DPYD: variants seen among roughly 807,000 people sequenced by gnomAD.
DPYD encodes the protein dihydropyrimidine dehydrogenase.
In DPYD, 109 loss-of-function variants were observed where a neutral mutation model predicts 116.2. The observed-to-expected ratio is 0.94, with a 90% CI of 0.80 to 1.10. The LOEUF is 1.10. DPYD is among the 50% of genes least tolerant of loss of function. DPYD has a pLI of 0.00. For synonymous variants in DPYD, 440 were observed against 432.0 expected, an observed-to-expected ratio of 1.02 and a Z score of -0.23; for missense variants, 1,302 against 1,254.5, an observed-to-expected ratio of 1.04 and a Z score of -0.57.
intron 19 of DPYD, 81 bp downstream of exon 19, chr1:97,234,771 C>T: frequency 1.3e-6 from 2 of 1,566,980 alleles, no homozygotes; most frequent in East Asian, 2.3e-5. Context: ...AAAAACGAAT[C>T]TATTTTTTTT....
At chr1:97,409,339 A>C (rs902358452) in intron 14 of DPYD, among the ~76,000 whole-genome samples, 1 of 152,154 alleles carries the variant, frequency 6.6e-6, no homozygotes, top group Non-Finnish European at 1.5e-5. Context: ...TGGTGGGTAC[A>C]AGAGTGGTAC....
intron 13 of DPYD, among the ~76,000 whole-genome samples, chr1:97,473,005 A>C (rs892898989): frequency 4.6e-5 from 7 of 152,120 alleles, no homozygotes; most frequent in Admixed American, 2.0e-4. Flanking sequence ...TACTCCTTTT[A>C]CAAATTTCAA....
Position 97,878,218 on chromosome 1 carries a change from T to A in DPYD, c.150+5046A>T, listed in dbSNP as rs116476075. 4.6e-3 allele frequency among the ~76,000 whole-genome samples: 705 copies of A among 151,696 alleles called. 11 individuals carry two copies. Among genetic ancestry groups the A allele is most frequent in the African/African-American group, 0.016 (681 of 41,426 alleles). The stretch of plus-strand genomic sequence containing the variant: ...AAAGGTGTGTGCCTATATATATTTA[T>A]TATTATTATTGTTTTTCTAGATTAC... On this transcript the variant is annotated intron_variant, in intron 2 of 22. Transcript: ENST00000370192.
chr1:97,843,677 G>A (rs1670146812), intron 2 of DPYD, among the ~76,000 whole-genome samples: 1 of 152,108 alleles, frequency 6.6e-6, no homozygotes, highest in Admixed American at 6.5e-5. Context: ...CATTAATTTA[G>A]TAAGCAATAC....
intron 5 of DPYD, among the ~76,000 whole-genome samples, chr1:97,709,551 A>G (rs765772866): frequency 1.3e-5 from 2 of 151,738 alleles, no homozygotes; most frequent in Non-Finnish European, 3.0e-5. Context: ...ACCACTCCAA[A>G]TTGACTTTAC....
At chr1:97,185,443 G>T (rs1657929526) in intron 20 of DPYD, among the ~76,000 whole-genome samples, 2 of 152,082 alleles carry the variant, frequency 1.3e-5, no homozygotes, top group South Asian at 2.1e-4. Flanking sequence ...TAAAACTTAT[G>T]CATCCACCTT....
At chr1:97,289,572 A>C (rs1295297587) in intron 18 of DPYD, among the ~76,000 whole-genome samples, 1 of 151,840 alleles carries the variant, frequency 6.6e-6, no homozygotes, top group Non-Finnish European at 1.5e-5. Flanking sequence ...TATAAACAGA[A>C]CCAAAGACAA....
intron 3 of DPYD, among the ~76,000 whole-genome samples, chr1:97,795,411 TTAAC>T (rs1333845725): frequency 6.6e-6 from 1 of 152,046 alleles, no homozygotes; most frequent in Non-Finnish European, 1.5e-5. Flanking sequence ...AAATACATAA[TTAAC>T]TACTCAACAT....
intron 8 of DPYD, among the ~76,000 whole-genome samples, chr1:97,621,270 TAAG>T (rs1191594947): frequency 2.6e-5 from 4 of 152,096 alleles, no homozygotes; most frequent in Non-Finnish European, 4.4e-5. Context: ...TGAATGTAAA[TAAG>T]AATTGAATAA....
intron 14 of DPYD, among the ~76,000 whole-genome samples, chr1:97,392,492 G>A (rs12089260): frequency 0.26 from 38,995 of 151,720 alleles, 5,229 homozygotes; most frequent in South Asian, 0.43. Flanking sequence ...AAGTTTGCTA[G>A]ATTGATTGAC....
intron 19 of DPYD, among the ~76,000 whole-genome samples, chr1:97,231,733 AT>A (rs1192512777): frequency 7.2e-5 from 11 of 152,188 alleles, no homozygotes; most frequent in African/African-American, 2.4e-4. Context: ...ATAAAAAAAA[AT>A]ATTTAAAAAT....
intron 20 of DPYD, among the ~76,000 whole-genome samples, chr1:97,122,364 G>A (rs1652515713): frequency 6.6e-6 from 1 of 152,074 alleles, no homozygotes; most frequent in Non-Finnish European, 1.5e-5. Flanking sequence ...TGGGGCTAGG[G>A]ATAAATATGC....
chr1:97,584,636 C>A (rs1653951884), intron 10 of DPYD, among the ~76,000 whole-genome samples: 1 of 151,732 alleles, frequency 6.6e-6, no homozygotes, highest in South Asian at 2.1e-4. Flanking sequence ...ATGATGAGTT[C>A]ATGTCCTTTG....
At chr1:97,793,591 C>T (rs983442783) in intron 3 of DPYD, among the ~76,000 whole-genome samples, 15 of 151,930 alleles carry the variant, frequency 9.9e-5, no homozygotes, top group African/African-American at 3.6e-4. Context: ...AAGTCAATTC[C>T]GTGGAGAAAT....
intron 8 of DPYD, among the ~76,000 whole-genome samples, chr1:97,616,335 A>T (rs2811194): frequency 0.16 from 24,728 of 152,136 alleles, 2,332 homozygotes; most frequent in African/African-American, 0.25. Flanking sequence ...TCCACACATA[A>T]GTGAGTAAAT....
chr1:97,545,870 A>G, intron 12 of DPYD: 1 of 1,078,664 alleles, frequency 9.3e-7, no homozygotes, highest in Non-Finnish European at 1.4e-6. Context: ...AATCTTAGAC[A>G]GGTTTCTAAT....
At chr1:97,669,373 T>C (rs1306275978) in intron 8 of DPYD, among the ~76,000 whole-genome samples, 1 of 152,108 alleles carries the variant, frequency 6.6e-6, no homozygotes, top group Non-Finnish European at 1.5e-5. Flanking sequence ...TGACATAACT[T>C]ATAACAGTAC....
intron 1 of DPYD, among the ~76,000 whole-genome samples, chr1:97,895,314 C>A (rs190081281): frequency 7.2e-5 from 11 of 151,798 alleles, no homozygotes; most frequent in Admixed American, 7.2e-4. Flanking sequence ...AAGTGTATAC[C>A]AGCATGCTAA....
chr1:97,646,301 T>C (rs950920494), intron 8 of DPYD, among the ~76,000 whole-genome samples: 6 of 151,984 alleles, frequency 3.9e-5, no homozygotes, highest in Non-Finnish European at 8.8e-5. Context: ...TCTTTACTTT[T>C]ATCTGTATCT....
Sources: allele counts gnomAD v4.1 joint callset (sites outside exome capture counted in the v4.1 genomes callset), GRCh38; gene constraint gnomAD v4.1.1; transcripts MANE v1.5; gene names NCBI Gene and HGNC (gene_info 2026-07-23, HGNC 2026-07-21).